The following FAM114A2 variants were observed in gnomAD, a reference collection of about 807,000 sequenced individuals.
FAM114A2 encodes the protein protein FAM114A2.
Under a neutral mutation model 58.4 loss-of-function variants are expected in FAM114A2, and 53 were observed. The observed-to-expected ratio is 0.91, with a 90% CI of 0.73 to 1.14. The LOEUF is 1.14. Ranked by LOEUF, FAM114A2 falls within the 50% of genes most tolerant of loss-of-function variation. The probability of loss-of-function intolerance (pLI) is 0.00; values close to 1 mark genes in which losing one functional copy is unlikely to be tolerated. For missense variants in FAM114A2, 601 were observed against 581.1 expected, an observed-to-expected ratio of 1.03 and a Z score of -0.35; for synonymous variants, 228 against 211.4, an observed-to-expected ratio of 1.08 and a Z score of -0.68.
At chr5:154,037,693 G>C (rs918745319) in intron 1 of FAM114A2, among the ~76,000 whole-genome samples, 7 of 152,058 alleles carry the variant, frequency 4.6e-5, no homozygotes, top group African/African-American at 1.7e-4. Context: ...ATAATTCCAT[G>C]AAAGACTGGA....
Position 154,011,712 on chromosome 5 carries a change from G to C in FAM114A2, c.914-392C>G, listed in dbSNP as rs917016447. ...AGAATATAGAAATGGTGACAGCATA[G>C]ACTAAGCAAGTACTGTACATGCGCT... On this transcript the variant is annotated intron_variant, in intron 8 of 13. Coordinates refer to ENST00000351797, the MANE Select transcript of FAM114A2 (RefSeq NM_018691.4). Among the ~76,000 whole-genome samples the C allele has an allele frequency of 4.0e-4, 61 of 151,942 alleles. 1 individual carries two copies. Among genetic ancestry groups the C allele is most frequent in the African/African-American group, 1.5e-3 (60 of 41,212 alleles).
Position 153,992,166 on chromosome 5 carries a change from G to GA in FAM114A2, c.*809dup, listed in dbSNP as rs1161825037. The GA allele has an allele frequency of 6.6e-6, 1 of 152,120 alleles. No individual in the cohort carries two copies. Among genetic ancestry groups the GA allele is most frequent in the Non-Finnish European group, 1.5e-5 (1 of 68,012 alleles). The allele number at this position is 152,120 out of a possible 1,614,324, so 9.4% of individuals were successfully genotyped here. A position where few individuals can be genotyped will look rare whatever the true frequency, so the allele number is the denominator to read the frequency against. On this transcript the variant is annotated 3_prime_UTR_variant, in exon 14 of 14. Coordinates refer to ENST00000351797, the MANE Select transcript of FAM114A2 (RefSeq NM_018691.4). ...CATTCCTTTGGAGTTTGCTGTTAAA[G>GA]AATTTATCCTGCATATATGGTAGAC...
Position 153,991,646 on chromosome 5 carries a change from G to A in FAM114A2, c.*1330C>T, listed in dbSNP as rs2053309. 129,398 of 151,606 alleles carry A rather than the reference G, an allele frequency of 0.85. 55,472 individuals are homozygous for A. The highest frequency in any genetic ancestry group is 1 in the East Asian group (5,173 of 5,178). 9.4% of individuals were successfully genotyped at this position (151,606 alleles called of 1,614,324 possible). On this transcript the variant is annotated 3_prime_UTR_variant, in exon 14 of 14. Transcript: ENST00000351797. ...TGACTCCTGCCCCAAAGAAGATTACGTAGAAACAGTCTTTATACTAATCTA... is the reference window on the plus strand; with the variant it reads ...TGACTCCTGCCCCAAAGAAGATTACATAGAAACAGTCTTTATACTAATCTA...
chr5:154,022,093 G>T (rs113144985), intron 8 of FAM114A2, among the ~76,000 whole-genome samples: 9 of 152,268 alleles, frequency 5.9e-5, no homozygotes, highest in Middle Eastern at 3.4e-3. Context: ...CTAGCCATAT[G>T]GAGAAAGCTG....
At position 154,028,296 on chromosome 5, in the gene FAM114A2, T is replaced by C. The variant is rs1436168944; in HGVS notation, c.496-13A>G. ...TAACACTCTTTCCCTAGAAAATACA[T>C]GCAACCTCATTACAACAATATTAAG... On this transcript the variant is annotated splice_polypyrimidine_tract_variant and intron_variant, in intron 5 of 13. Coordinates refer to ENST00000351797, the MANE Select transcript of FAM114A2 (RefSeq NM_018691.4). 1.3e-6 allele frequency: 2 copies of C among 1,552,532 alleles called. No homozygotes were observed. The highest frequency in any genetic ancestry group is 8.8e-7 in the Non-Finnish European group (1 of 1,133,876).
intron 11 of FAM114A2, among the ~76,000 whole-genome samples, chr5:153,999,959 A>G (rs1769863733): frequency 6.6e-6 from 1 of 151,966 alleles, no homozygotes; most frequent in Non-Finnish European, 1.5e-5. Flanking sequence ...GTGTATATAT[A>G]TGTGTGTGTA....
rs1244425160 is a variant in FAM114A2, at chr5:154,027,315, T to C, written c.650A>G (p.Glu217Gly). 6.2e-7 allele frequency: 1 copy of C among 1,611,570 alleles called. No individual in the cohort carries two copies. The highest frequency in any genetic ancestry group is 2.2e-5 in the East Asian group (1 of 44,874). The stretch of plus-strand genomic sequence containing the variant: ...ATTGGAGGTCCGTATCTCTTCTTTC[T>C]CCTTCGCCTCTCGTAAAACCTAAAA... ...TLSQVLREAK[E>G]KEEIRTSNEV... The change falls in exon 7 of 14, where the codon GAG becomes GGG. Residue 217 changes from glutamate to glycine, a missense_variant. Coordinates refer to ENST00000351797, the MANE Select transcript of FAM114A2 (RefSeq NM_018691.4).
intron 9 of FAM114A2, among the ~76,000 whole-genome samples, chr5:154,010,032 C>T (rs1770585197): frequency 6.6e-6 from 1 of 152,158 alleles, no homozygotes; most frequent in South Asian, 2.1e-4. Flanking sequence ...TTGATAGCTA[C>T]ACTGTGGTTA....
intron 1 of FAM114A2, chr5:154,036,592 A>AT (rs527664048): frequency 6.6e-6 from 1 of 152,214 alleles, no homozygotes; most frequent in African/African-American, 2.4e-5. Flanking sequence ...ATGCAGCACT[A>AT]TAACAGGTGC....
intron 12 of FAM114A2, among the ~76,000 whole-genome samples, chr5:153,995,605 G>A (rs1769504404): frequency 6.6e-6 from 1 of 152,036 alleles, no homozygotes; most frequent in Non-Finnish European, 1.5e-5. Flanking sequence ...TTCATGACTA[G>A]GGCTTTAAAA....
At chr5:154,015,642 T>A (rs947585632) in intron 8 of FAM114A2, among the ~76,000 whole-genome samples, 8 of 152,104 alleles carry the variant, frequency 5.3e-5, no homozygotes, top group African/African-American at 1.7e-4. Context: ...GCCCTAGACC[T>A]TTCCTCTGAC....
chr5:153,990,574 T>C lies in FAM114A2; in HGVS notation c.*2402A>G, dbSNP rs572438326. ...TCCTTAACACATTTCTAAGGTATTA[T>C]GCAAAGGAAAATAAAAATTGTTTCA... On this transcript the variant is annotated 3_prime_UTR_variant, in exon 14 of 14. Transcript: ENST00000351797. The C allele has an allele frequency of 8.5e-5, 13 of 152,082 alleles. No homozygotes were observed. The East Asian group carries it at 2.3e-3, about 27-fold the overall frequency. The allele number at this position is 152,082 out of a possible 1,614,324, so 9.4% of individuals were successfully genotyped here.
At chr5:154,029,815 T>A (rs879499978) in intron 4 of FAM114A2, among the ~76,000 whole-genome samples, 19 of 152,328 alleles carry the variant, frequency 1.2e-4, no homozygotes, top group Middle Eastern at 6.8e-3. Context: ...TGCTGATATA[T>A]ACAACAGCCT....
At chr5:154,035,621 C>G (rs912581692) in intron 1 of FAM114A2, among the ~76,000 whole-genome samples, 2 of 152,082 alleles carry the variant, frequency 1.3e-5, no homozygotes, top group Non-Finnish European at 2.9e-5. Flanking sequence ...CAGTTTGGGA[C>G]TATTATAAAT....
chr5:153,998,597 C>T (rs1373567393), intron 11 of FAM114A2, among the ~76,000 whole-genome samples: 1 of 152,240 alleles, frequency 6.6e-6, no homozygotes, highest in Non-Finnish European at 1.5e-5. Context: ...TGGAGCAGTA[C>T]ATGGCCCTCA....
At chr5:154,038,058 C>G (rs549234365) in intron 1 of FAM114A2, among the ~76,000 whole-genome samples, 7 of 151,304 alleles carry the variant, frequency 4.6e-5, no homozygotes, top group African/African-American at 1.7e-4. Flanking sequence ...AAGGAATAAA[C>G]ACCAAGTACG....
Position 153,991,722 on chromosome 5 carries a change from GA to G in FAM114A2, c.*1253del, listed in dbSNP as rs1205651359. ...TTTTTTTTTTTTTTGGTCTAAGTAAGATATTAGGGCTCGTGTTTACAAAAGT... is the reference window on the plus strand; with the variant it reads ...TTTTTTTTTTTTTTGGTCTAAGTAAGTATTAGGGCTCGTGTTTACAAAAGT... On this transcript the variant is annotated 3_prime_UTR_variant, in exon 14 of 14. Transcript: ENST00000351797. 7.2e-6 allele frequency: 1 copy of G among 139,718 alleles called. No individual in the cohort carries two copies. Among genetic ancestry groups the G allele is most frequent in the African/African-American group, 2.7e-5 (1 of 37,190 alleles). The allele number at this position is 139,718 out of a possible 1,614,324, so 8.7% of individuals were successfully genotyped here.
rs1199915050 is a variant in FAM114A2, at chr5:154,034,844, G to A, written c.110C>T (p.Ala37Val). Residue 37 changes from alanine to valine, a missense_variant, in exon 2 of 14, where the codon GCC (alanine) becomes GTC (valine). Ala to Val is a moderately conservative substitution (Grantham distance 64). Coordinates refer to ENST00000351797, the MANE Select transcript of FAM114A2 (RefSeq NM_018691.4). ...AKNSESVDQG[A>V]KPESKSEPVV... ...AGGTTCTGATTTACTCTCTGGTTTG[G>A]CACCTTGGTCAACAGACTCAGAATT... The A allele has an allele frequency of 6.2e-7, 1 of 1,613,792 alleles. No homozygotes were observed. The highest frequency in any genetic ancestry group is 8.5e-7 in the Non-Finnish European group (1 of 1,179,866).
At position 153,993,046 on chromosome 5, in the gene FAM114A2, G is replaced by C. The variant is rs1314246440; in HGVS notation, c.1448C>G (p.Ser483Cys). 3 of 1,613,384 alleles carry C rather than the reference G, an allele frequency of 1.9e-6. No homozygotes were observed. The highest frequency in any genetic ancestry group is 1.3e-5 in the African/African-American group (1 of 74,896). The part of the protein sequence containing the change: ...FQLLLPVLEI[S>C]LIENKIESHR... ...TGATTCAATCTTGTTCTCAATGAGA[G>C]AGATCTCTAGCACAGGTAAGAGTAG... is the stretch of plus-strand genomic sequence containing the variant. Residue 483 changes from serine to cysteine, a missense_variant, in exon 14 of 14, where the codon TCT becomes TGT. Physicochemically the swap from Ser to Cys is moderately radical, Grantham distance 112 (BLOSUM62 -1). Transcript: ENST00000351797.
Sources: gnomAD v4.1 joint callset for allele counts (sites outside exome capture counted in the v4.1 genomes callset) on GRCh38, gnomAD v4.1.1 for gene constraint, MANE v1.5 for transcripts, NCBI Gene and HGNC (gene_info 2026-07-23, HGNC 2026-07-21) for gene names.